HS1BP3: variants seen among roughly 807,000 people sequenced by gnomAD.
The protein encoded by HS1BP3 is HCLS1 binding protein 3, also known as HCLS1-binding protein 3.
Under a neutral mutation model 33.5 loss-of-function variants are expected in HS1BP3, and 32 were observed. That is an observed-to-expected ratio of 0.95 (90% confidence interval 0.72 to 1.28). HS1BP3 has a LOEUF of 1.28. Ranked by LOEUF, HS1BP3 falls within the 50% of genes most tolerant of loss-of-function variation. The probability of loss-of-function intolerance (pLI) is 0.00; values close to 1 mark genes in which losing one functional copy is unlikely to be tolerated. For synonymous variants in HS1BP3, 187 were observed against 209.2 expected (o/e 0.89, Z 0.92); for missense variants, 486 against 502.3 (o/e 0.97, Z 0.31).
chr2:20,622,520 G>A (rs1313596564), intron 6 of HS1BP3: 6 of 350,044 alleles, frequency 1.7e-5, no homozygotes, highest in South Asian at 1.1e-4. Context: ...CGCACTACGA[G>A]CCCTGCTTTT....
intron 2 of HS1BP3, among the ~76,000 whole-genome samples, chr2:20,608,574 CAAAAAAAAA>C (rs60486220): frequency 1.0e-5 from 1 of 96,390 alleles, no homozygotes; most frequent in Admixed American, 1.1e-4. Context: ...AACTCCGTCT[CAAAAAAAAA>C]AAAAAAAAAA....
At chr2:20,646,550 T>C (rs1695525364) in intron 1 of HS1BP3, among the ~76,000 whole-genome samples, 1 of 152,262 alleles carries the variant, frequency 6.6e-6, no homozygotes, top group Non-Finnish European at 1.5e-5. Flanking sequence ...CTATGCCATG[T>C]ATGACACCCA....
intron 5 of HS1BP3, among the ~76,000 whole-genome samples, chr2:20,573,360 T>C (rs1428214904): frequency 2.0e-5 from 3 of 152,120 alleles, no homozygotes; most frequent in African/African-American, 7.2e-5. Context: ...TAAACCACCC[T>C]CTCCTCTTTA....
At chr2:20,570,403 C>T (rs1158144585) in intron 5 of HS1BP3, among the ~76,000 whole-genome samples, 1 of 152,196 alleles carries the variant, frequency 6.6e-6, no homozygotes, top group Non-Finnish European at 1.5e-5. Flanking sequence ...GCTCCCTGGG[C>T]ACCTGCTTGC....
chr2:20,582,820 C>T (rs762387026), intron 5 of HS1BP3, among the ~76,000 whole-genome samples: 6 of 152,294 alleles, frequency 3.9e-5, no homozygotes, highest in Non-Finnish European at 5.9e-5. Context: ...CAGGAACAAA[C>T]GCCCACTGTG....
At chr2:20,603,728 T>A (rs1417920527) in intron 2 of HS1BP3, among the ~76,000 whole-genome samples, 1 of 152,246 alleles carries the variant, frequency 6.6e-6, no homozygotes, top group Non-Finnish European at 1.5e-5. Context: ...GAGTGAATTA[T>A]ATGGTACATG....
chr2:20,556,769 C>A (rs1245557029), downstream of HS1BP3, among the ~76,000 whole-genome samples: 1 of 152,214 alleles, frequency 6.6e-6, no homozygotes, highest in African/African-American at 2.4e-5. Flanking sequence ...CATATTTGGG[C>A]CATGACTGCC....
the HS1BP3 span, among the ~76,000 whole-genome samples, chr2:20,554,580 G>A: frequency 7.2e-5 from 11 of 152,184 alleles, no homozygotes; most frequent in African/African-American, 1.4e-4. Context: ...AAAATTGGCC[G>A]GGCGTGGTGG....
chr2:20,645,010 G>C (rs1205820604), intron 2 of HS1BP3, among the ~76,000 whole-genome samples: 2 of 152,140 alleles, frequency 1.3e-5, no homozygotes, highest in African/African-American at 4.8e-5. Context: ...AGCCCCATCT[G>C]TTCCTCAAAA....
At position 20,619,080 on chromosome 2, in the gene HS1BP3, C is replaced by T. The variant is rs34708707; in HGVS notation, c.1086G>A (p.Pro362=). 76,288 of 1,614,082 alleles carry T rather than the reference C, an allele frequency of 0.047. 2,134 individuals carry two copies. The highest frequency in any genetic ancestry group is 0.055 in the Non-Finnish European group (64,846 of 1,180,010). ...PAEAVAGQQK[P]QEQIQAMDEM... is the part of the protein sequence containing the mutation. Reference sequence around the variant, plus strand: ...CGTCCATGGCTTGGATCTGCTCCTGCGGCTTCTGCTGCCCAGCCACAGCTT... The same window carrying T: ...CGTCCATGGCTTGGATCTGCTCCTGTGGCTTCTGCTGCCCAGCCACAGCTT... Residue 362 remains proline, a synonymous_variant, in exon 7 of 7, where the codon CCG becomes CCA. Coordinates refer to ENST00000304031, the MANE Select transcript of HS1BP3 (RefSeq NM_022460.4).
At chr2:20,632,922 C>T (rs114402215) in intron 4 of HS1BP3, among the ~76,000 whole-genome samples, 2,576 of 152,310 alleles carry the variant, frequency 0.017, 25 homozygotes, top group Middle Eastern at 0.034. Flanking sequence ...GGAAAAGCTG[C>T]CTTTTATATT....
intron 4 of HS1BP3, among the ~76,000 whole-genome samples, chr2:20,628,045 C>A (rs533823655): frequency 6.6e-6 from 1 of 152,274 alleles, no homozygotes; most frequent in East Asian, 1.9e-4. Context: ...GCTCCCAACC[C>A]CAGTCTCAGA....
chr2:20,573,635 C>T (rs1387888722), intron 5 of HS1BP3, among the ~76,000 whole-genome samples: 1 of 152,244 alleles, frequency 6.6e-6, no homozygotes, highest in Non-Finnish European at 1.5e-5. Context: ...AAATCCACAG[C>T]TCTCAGCTGA....
chr2:20,613,182 A>G (rs1293000203), downstream of HS1BP3, among the ~76,000 whole-genome samples: 1 of 152,340 alleles, frequency 6.6e-6, no homozygotes, highest in Non-Finnish European at 1.5e-5. Flanking sequence ...TTGTTAGGGG[A>G]AAATCAGCAA....
chr2:20,565,094 C>T (rs1377865035), intron 5 of HS1BP3, among the ~76,000 whole-genome samples: 1 of 152,210 alleles, frequency 6.6e-6, no homozygotes, highest in African/African-American at 2.4e-5. Flanking sequence ...TTACCCACTT[C>T]TTCCCAGCAG....
chr2:20,624,161 G>T, intron 5 of HS1BP3, 130 bp from the exon 6 acceptor site: 1 of 1,125,366 alleles, frequency 8.9e-7, no homozygotes, highest in Non-Finnish European at 1.2e-6. Context: ...TGCTCAACCT[G>T]TCATAACTGG....
chr2:20,638,263 C>T (rs1025581272), intron 4 of HS1BP3, 173 bp downstream of exon 4: 7 of 630,718 alleles, frequency 1.1e-5, no homozygotes, highest in African/African-American at 1.1e-4. Flanking sequence ...CCACCAAGGG[C>T]ACGCAGAGAG....
At chr2:20,629,393 C>T (rs1445237526) in intron 4 of HS1BP3, among the ~76,000 whole-genome samples, 1 of 152,206 alleles carries the variant, frequency 6.6e-6, no homozygotes, top group Non-Finnish European at 1.5e-5. Flanking sequence ...CCCTCCAGCC[C>T]GCCCTCTGCA....
intron 2 of HS1BP3, chr2:20,606,310 T>C: frequency 4.3e-6 from 2 of 462,566 alleles, no homozygotes; most frequent in Non-Finnish European, 4.3e-6. Flanking sequence ...CTGGTGCATC[T>C]CCACCCTTGG....
Sources: allele counts gnomAD v4.1 joint callset (sites outside exome capture counted in the v4.1 genomes callset), GRCh38; gene constraint gnomAD v4.1.1; transcripts MANE v1.5; gene names NCBI Gene and HGNC (gene_info 2026-07-23, HGNC 2026-07-21).